Variants in SGO1 observed in about 807,000 individuals in gnomAD.
The protein encoded by SGO1 is serologically defined breast cancer antigen NY-BR-85.
In SGO1, 39 loss-of-function variants were observed where a neutral mutation model predicts 50.5. The ratio of observed to expected loss-of-function variants is 0.77; its 90% confidence interval spans 0.60 to 1.01. The LOEUF (loss-of-function observed/expected upper bound fraction) is 1.01, where lower values mean the gene tolerates loss of function less well. Among genes scored for constraint, SGO1 ranks in the 50% least tolerant of loss-of-function variants. The probability of loss-of-function intolerance (pLI) is 0.00; values close to 1 mark genes in which losing one functional copy is unlikely to be tolerated. For synonymous variants in SGO1, 191 were observed against 205.1 expected, an observed-to-expected ratio of 0.93 and a Z score of 0.59; for missense variants, 638 against 606.0, an observed-to-expected ratio of 1.05 and a Z score of -0.55.
intron 1 of SGO1, among the ~76,000 whole-genome samples, chr3:20,185,742 A>G (rs1702584659): frequency 6.6e-6 from 1 of 152,006 alleles, no homozygotes; most frequent in South Asian, 2.1e-4. Flanking sequence ...CTTTATTTGC[A>G]CATCACTTAA....
At position 20,174,352 on chromosome 3, in the gene SGO1, C is replaced by G. The variant is rs369380844; in HGVS notation, c.1179G>C (p.Thr393=). The change falls in exon 6 of 8, where the codon ACG becomes ACC. Residue 393 remains threonine, a synonymous_variant. Transcript: ENST00000412997. ...LPTCKYIQNP[T]SNSDRPVTRP... ...TGGTGACTGGTCTATCTGAATTGCTCGTGGGATTCTGAATGTACTTGCAAG... is the reference window on the plus strand; with the variant it reads ...TGGTGACTGGTCTATCTGAATTGCTGGTGGGATTCTGAATGTACTTGCAAG... 5 of 1,613,988 alleles carry G rather than the reference C, an allele frequency of 3.1e-6. No homozygotes were observed. In the African/African-American group the frequency reaches 5.3e-5, roughly 17 times the overall value.
chr3:20,178,202 T>G (rs6550401), intron 4 of SGO1, 69 bp downstream of exon 4: 293,935 of 1,111,540 alleles, frequency 0.26, 48,942 homozygotes, highest in East Asian at 0.74. Context: ...CACATTTCCT[T>G]TCATAAATGA....
rs575419111 is a variant in SGO1, at chr3:20,170,329, C to A, written c.*375G>T. On this transcript the variant is annotated 3_prime_UTR_variant, in exon 8 of 8. Transcript: ENST00000412997. ...AGGAGAATCGCTTGAACCTGGGAGG[C>A]GGAGGTTGCGGTAAGCTGAGATCGT... The A allele has an allele frequency of 5.0e-4, 328 of 661,884 alleles. 1 individual carries two copies. The highest frequency in any genetic ancestry group is 5.5e-4 in the Non-Finnish European group (297 of 535,798). 41.0% of individuals were successfully genotyped at this position (661,884 alleles called of 1,614,324 possible). A position where few individuals can be genotyped will look rare whatever the true frequency, so the allele number is the denominator to read the frequency against.
At position 20,186,147 on chromosome 3, in the gene SGO1, C is replaced by T. The variant is rs151299371; in HGVS notation, c.-207G>A. ...CTCCAGCCACGGCTAGCCCCGCGCA[C>T]TGGGCCCTCCAGGACCGTACCACCG... On this transcript the variant is annotated 5_prime_UTR_variant, in exon 1 of 8. It adds an upstream start codon to the 5' untranslated region. Coordinates refer to ENST00000412997, the MANE Select transcript of SGO1 (RefSeq NM_001199251.3). 0.018 allele frequency: 2,825 copies of T among 152,756 alleles called. 52 individuals carry two copies. The highest frequency in any genetic ancestry group is 0.022 in the Non-Finnish European group (1,480 of 68,378). 9.5% of individuals were successfully genotyped at this position (152,756 alleles called of 1,614,324 possible). A position where few individuals can be genotyped will look rare whatever the true frequency, so the allele number is the denominator to read the frequency against.
At chr3:20,171,259 AT>A in intron 6 of SGO1, 27 bp from the exon 7 acceptor site, 18 of 1,509,306 alleles carry the variant, frequency 1.2e-5, no homozygotes, top group Non-Finnish European at 1.5e-5. Context: ...ACTGAATATG[AT>A]TTAAAAAAAA....
At position 20,169,927 on chromosome 3, in the gene SGO1, A is replaced by G. The variant is rs936351167; in HGVS notation, c.*777T>C. On this transcript the variant is annotated 3_prime_UTR_variant, in exon 8 of 8. Coordinates refer to ENST00000412997, the MANE Select transcript of SGO1 (RefSeq NM_001199251.3). ...TTTATTTTACTCGAATACTACACAG[A>G]GTTTCAAAAGATCCACAATAATTTA... The G allele has an allele frequency of 5.1e-6, 5 of 983,516 alleles. No homozygotes were observed. The highest frequency in any genetic ancestry group is 5.2e-4 in the Middle Eastern group (1 of 1,930). 60.9% of individuals were successfully genotyped at this position (983,516 alleles called of 1,614,324 possible).
rs1163544675 is a variant in SGO1 at position 20,183,801 on chromosome 3, T to C, written c.146A>G (p.Asn49Ser). ...GTAATTTTTCAGCAGTGTAGAAGTG[T>C]TGGCTAAAAGAGGATAAAAAAATTT... ...FIAAPCQIIT[N>S]TSTLLKNYQD... Residue 49 changes from asparagine to serine, a missense_variant, in exon 3 of 8, where the codon AAC becomes AGC. Coordinates refer to ENST00000412997, the MANE Select transcript of SGO1 (RefSeq NM_001199251.3). 2 of 1,606,008 alleles carry C rather than the reference T, an allele frequency of 1.2e-6. No individual in the cohort carries two copies. The highest frequency in any genetic ancestry group is 1.7e-5 in the Admixed American group (1 of 57,580).
rs557740931 is a variant in SGO1 at position 20,170,075 on chromosome 3, G to A, written c.*629C>T. 3.7e-5 allele frequency: 36 copies of A among 985,198 alleles called. No homozygotes were observed. The African/African-American group carries it at 6.1e-4, about 17-fold the overall frequency. The allele number at this position is 985,198 out of a possible 1,614,324, so 61.0% of individuals were successfully genotyped here. ...AGCTTATAATTAAAAGATCTTATTT[G>A]AGTAATCATTATTCATTTCTACAAT... On this transcript the variant is annotated 3_prime_UTR_variant, in exon 8 of 8. Coordinates refer to ENST00000412997, the MANE Select transcript of SGO1 (RefSeq NM_001199251.3).
chr3:20,169,112 T>G (rs1324904792), downstream of SGO1: 6 of 985,182 alleles, frequency 6.1e-6, no homozygotes, highest in Non-Finnish European at 7.2e-6. Context: ...TAGAAAAATT[T>G]GGGATGATGA....
At chr3:20,168,005 G>A (rs1273961785), downstream of SGO1, among the ~76,000 whole-genome samples, 1 of 151,972 alleles carries the variant, frequency 6.6e-6, no homozygotes, top group Non-Finnish European at 1.5e-5. Flanking sequence ...CTGCCAACAC[G>A]GATAAATCTC....
intron 3 of SGO1, among the ~76,000 whole-genome samples, 199 bp from the exon 4 acceptor site, chr3:20,178,546 T>A (rs1701652787): frequency 6.6e-6 from 1 of 152,190 alleles, no homozygotes; most frequent in East Asian, 1.9e-4. Context: ...AGTAAAATTT[T>A]AAAAAGAGAA....
intron 5 of SGO1, 33 bp downstream of exon 5, chr3:20,176,568 T>G: frequency 7.4e-7 from 1 of 1,355,302 alleles, no homozygotes; most frequent in Non-Finnish European, 1.0e-6. Flanking sequence ...TATTTTGCCC[T>G]TAATAATATT....
intron 4 of SGO1, 33 bp downstream of exon 4, chr3:20,178,238 A>G (rs752553122): frequency 2.1e-6 from 3 of 1,419,598 alleles, no homozygotes; most frequent in South Asian, 2.3e-5. Flanking sequence ...CTTTCTTAGT[A>G]TTAATAATCA....
rs770300454 is a variant in SGO1, at chr3:20,183,598, A to G, written c.339+10T>C. On this transcript the variant is annotated intron_variant, in intron 3 of 7. Coordinates refer to ENST00000412997, the MANE Select transcript of SGO1 (RefSeq NM_001199251.3). Reference sequence around the variant, plus strand: ...TAAACTAAGAAATTCGGCCTTAGTAATGAAAATACCTGAGCAGGTTCTACT... The same window carrying G: ...TAAACTAAGAAATTCGGCCTTAGTAGTGAAAATACCTGAGCAGGTTCTACT... 1 of 1,558,582 alleles carries G rather than the reference A, an allele frequency of 6.4e-7. No homozygotes were observed. The highest frequency in any genetic ancestry group is 1.2e-5 in the South Asian group (1 of 82,764).
downstream of SGO1, among the ~76,000 whole-genome samples, chr3:20,167,484 T>C (rs1172198130): frequency 6.6e-6 from 1 of 152,152 alleles, no homozygotes; most frequent in Non-Finnish European, 1.5e-5. Context: ...AAAAAATCCA[T>C]AGTTTTACAT....
At chr3:20,165,581 AC>A, downstream of SGO1, among the ~76,000 whole-genome samples, 3 of 152,312 alleles carry the variant, frequency 2.0e-5, no homozygotes. Context: ...CCCCATGAAA[AC>A]ATAGAAAGAT....
At chr3:20,176,556 CT>C (rs775318706) in intron 5 of SGO1, 44 bp downstream of exon 5, 3 of 1,185,022 alleles carry the variant, frequency 2.5e-6, no homozygotes, top group Non-Finnish European at 3.6e-6. Flanking sequence ...TCTCAAAGAC[CT>C]TATTTTGCCC....
downstream of SGO1, among the ~76,000 whole-genome samples, chr3:20,166,238 A>G (rs1254562029): frequency 6.6e-6 from 1 of 152,204 alleles, no homozygotes; most frequent in African/African-American, 2.4e-5. Flanking sequence ...TGGAAATCAC[A>G]TATCTGATAA....
chr3:20,162,760 T>C (rs1439901036), intron 8 of SGO1, among the ~76,000 whole-genome samples: 3 of 146,666 alleles, frequency 2.0e-5, no homozygotes, highest in African/African-American at 7.4e-5. Context: ...ACAAATAAAA[T>C]ATATATATAA....
Sources: allele counts gnomAD v4.1 joint callset (sites outside exome capture counted in the v4.1 genomes callset), GRCh38; gene constraint gnomAD v4.1.1; transcripts MANE v1.5; gene names NCBI Gene and HGNC (gene_info 2026-07-23, HGNC 2026-07-21).